Variants in SPECC1L observed in about 807,000 individuals in gnomAD.
SPECC1L encodes the protein cytospin-A.
In SPECC1L, 40 loss-of-function variants were observed where a neutral mutation model predicts 116.8. That is an observed-to-expected ratio of 0.34 (90% CI 0.27 to 0.45). The LOEUF (loss-of-function observed/expected upper bound fraction) is 0.45. SPECC1L is among the 20% of genes least tolerant of loss of function. The probability of loss-of-function intolerance (pLI) is 1.00; values close to 1 mark genes in which losing one functional copy is unlikely to be tolerated. For synonymous variants in SPECC1L, 504 were observed against 500.6 expected (o/e 1.01, Z -0.09); for missense variants, 1,110 against 1,373.6 (o/e 0.81, Z 3.03).
intron 2 of SPECC1L, among the ~76,000 whole-genome samples, chr22:24,278,939 G>A (rs2048888759): frequency 1.3e-5 from 2 of 152,198 alleles, no homozygotes; most frequent in African/African-American, 4.8e-5. Context: ...TGGTAGCACA[G>A]TTTGTACGTT....
chr22:24,313,607 G>C, intron 4 of SPECC1L, 141 bp downstream of exon 4: 1 of 942,668 alleles, frequency 1.1e-6, no homozygotes, highest in East Asian at 2.6e-5. Context: ...AGCCCAATAC[G>C]CTCATCACCA....
At chr22:24,339,663 A>G (rs2041131374) in intron 10 of SPECC1L, among the ~76,000 whole-genome samples, 1 of 152,210 alleles carries the variant, frequency 6.6e-6, no homozygotes, top group Non-Finnish European at 1.5e-5. Flanking sequence ...TCCCTAAAAT[A>G]ATGGTGTTGG....
At chr22:24,324,782 C>T (rs1049647945) in intron 6 of SPECC1L, among the ~76,000 whole-genome samples, 20 of 152,110 alleles carry the variant, frequency 1.3e-4, no homozygotes, top group Middle Eastern at 3.2e-3. Context: ...ACCCAGGAGA[C>T]GGAGGCTGCA....
At chr22:24,364,351 A>G (rs2041707296) in intron 12 of SPECC1L, among the ~76,000 whole-genome samples, 1 of 152,126 alleles carries the variant, frequency 6.6e-6, no homozygotes, top group South Asian at 2.1e-4. Flanking sequence ...TTTCTGTCTT[A>G]TTGATTTAGT....
intron 6 of SPECC1L, among the ~76,000 whole-genome samples, chr22:24,325,100 G>A (rs761550557): frequency 3.3e-5 from 5 of 152,160 alleles, no homozygotes; most frequent in Non-Finnish European, 5.9e-5. Flanking sequence ...CTGATCTCTA[G>A]AATAAAAATA....
At chr22:24,331,118 T>C (rs1239646326) in intron 8 of SPECC1L, among the ~76,000 whole-genome samples, 1 of 152,222 alleles carries the variant, frequency 6.6e-6, no homozygotes, top group Non-Finnish European at 1.5e-5. Context: ...ATGAAAATTA[T>C]TAGATGAAAT....
Position 24,316,981 on chromosome 22 carries a change from G to A in SPECC1L, c.307+3515G>A, listed in dbSNP as rs549165051. ...GAGCTCCTCACTTCCCAGTAGGGGC[G>A]GCCGGGCAGAGGCGCCCCTCACCTC... On this transcript the variant is annotated intron_variant, in intron 4 of 16. Coordinates refer to ENST00000314328, the MANE Select transcript of SPECC1L (RefSeq NM_015330.6). Among the ~76,000 whole-genome samples, 29 of 122,800 alleles carry A rather than the reference G, an allele frequency of 2.4e-4. 3 individuals carry two copies. Among genetic ancestry groups the A allele is most frequent in the African/African-American group, 8.1e-4 (28 of 34,542 alleles). 80.6% of individuals were successfully genotyped at this position (122,800 alleles called of 152,430 possible).
intron 2 of SPECC1L, among the ~76,000 whole-genome samples, chr22:24,299,334 G>A (rs771958528): frequency 3.0e-4 from 46 of 152,264 alleles, no homozygotes; most frequent in Middle Eastern, 3.4e-3. Flanking sequence ...CTATTCGGGA[G>A]GCTGAGGTGG....
At chr22:24,336,119 A>G (rs1047810361) in intron 9 of SPECC1L, among the ~76,000 whole-genome samples, 5 of 152,150 alleles carry the variant, frequency 3.3e-5, no homozygotes, top group Non-Finnish European at 5.9e-5. Flanking sequence ...AATAATATGC[A>G]TATTTTAATA....
At chr22:24,306,788 C>T (rs146155060) in intron 3 of SPECC1L, among the ~76,000 whole-genome samples, 2 of 152,286 alleles carry the variant, frequency 1.3e-5, no homozygotes, top group Non-Finnish European at 2.9e-5. Context: ...ATCTCTGTAC[C>T]CATTATATAA....
intron 2 of SPECC1L, among the ~76,000 whole-genome samples, chr22:24,277,438 G>T (rs1180380793): frequency 6.6e-6 from 1 of 152,064 alleles, no homozygotes; most frequent in Non-Finnish European, 1.5e-5. Context: ...GTGGTTTTTG[G>T]TATATTCACA....
At chr22:24,408,845 A>G (rs527265744) in intron 14 of SPECC1L, among the ~76,000 whole-genome samples, 14 of 152,348 alleles carry the variant, frequency 9.2e-5, no homozygotes, top group Admixed American at 8.5e-4. Flanking sequence ...GATGCAGGTG[A>G]TGAGAAGTCA....
At chr22:24,292,693 C>T (rs1777920386) in intron 2 of SPECC1L, among the ~76,000 whole-genome samples, 1 of 152,038 alleles carries the variant, frequency 6.6e-6, no homozygotes, top group Non-Finnish European at 1.5e-5. Context: ...TTGCTTTGTC[C>T]TATGTAACGT....
At chr22:24,362,100 A>G (rs553859310) in intron 11 of SPECC1L, among the ~76,000 whole-genome samples, 18 of 152,298 alleles carry the variant, frequency 1.2e-4, no homozygotes. Context: ...CCAGTCACAC[A>G]CCAGCCCGTG....
intron 14 of SPECC1L, among the ~76,000 whole-genome samples, chr22:24,390,851 C>T (rs1482571480): frequency 5.2e-4 from 27 of 52,056 alleles, no homozygotes; most frequent in Admixed American, 4.5e-3. Context: ...GGCCTGTGTT[C>T]CTTTTTTTTT....
intron 14 of SPECC1L, among the ~76,000 whole-genome samples, chr22:24,377,686 A>G (rs770333697): frequency 6.6e-5 from 10 of 152,226 alleles, no homozygotes; most frequent in Non-Finnish European, 1.5e-4. Flanking sequence ...TTGTATTAGC[A>G]GACAGGAAAA....
chr22:24,358,987 G>A (rs933092811), intron 11 of SPECC1L, among the ~76,000 whole-genome samples: 3 of 152,228 alleles, frequency 2.0e-5, no homozygotes, highest in African/African-American at 7.2e-5. Context: ...TTTGTCAGAT[G>A]CTGTTAACCT....
At chr22:24,385,521 C>CA (rs1423481359) in intron 14 of SPECC1L, among the ~76,000 whole-genome samples, 3 of 152,148 alleles carry the variant, frequency 2.0e-5, no homozygotes, top group Non-Finnish European at 4.4e-5. Context: ...CCTATGCGAG[C>CA]ACTAACCAAA....
chr22:24,316,491 T>G (rs1297704959), intron 4 of SPECC1L, among the ~76,000 whole-genome samples: 1 of 151,340 alleles, frequency 6.6e-6, no homozygotes, highest in Non-Finnish European at 1.5e-5. Context: ...TGAACGAGCA[T>G]GCTGCCTTCA....
Sources: gnomAD v4.1 joint callset for allele counts (sites outside exome capture counted in the v4.1 genomes callset) on GRCh38, gnomAD v4.1.1 for gene constraint, MANE v1.5 for transcripts, NCBI Gene and HGNC (gene_info 2026-07-23, HGNC 2026-07-21) for gene names.